Variants in HIRA observed in about 807,000 individuals in gnomAD.
HIRA encodes the protein histone cell cycle regulator, also known as protein HIRA.
A neutral mutation model predicts 126.6 loss-of-function variants in HIRA; 13 were observed. The observed-to-expected ratio is 0.10, with a 90% CI of 0.07 to 0.16. The LOEUF (loss-of-function observed/expected upper bound fraction) is 0.16, where lower values mean the gene tolerates loss of function less well. Among genes scored for constraint, HIRA ranks in the 10% least tolerant of loss-of-function variants. The pLI, the probability that HIRA is intolerant of heterozygous loss-of-function variation, is 1.00. For missense variants in HIRA, 834 were observed against 1,314.4 expected (o/e 0.63, Z 5.65); for synonymous variants, 511 against 520.0 (o/e 0.98, Z 0.24).
chr22:19,340,217 G>A (rs146897216), intron 24 of HIRA, among the ~76,000 whole-genome samples: 9 of 152,030 alleles, frequency 5.9e-5, no homozygotes, highest in African/African-American at 2.2e-4. Context: ...AAGACTTAAC[G>A]TACACATGTC....
At chr22:19,341,380 CAG>C (rs2088626423) in intron 24 of HIRA, among the ~76,000 whole-genome samples, 2 of 146,052 alleles carry the variant, frequency 1.4e-5, no homozygotes, top group South Asian at 2.1e-4. Context: ...GCCTTGGAGG[CAG>C]AGTTTGCCAT....
intron 15 of HIRA, among the ~76,000 whole-genome samples, chr22:19,367,818 C>T (rs1018051800): frequency 1.3e-5 from 2 of 152,072 alleles, no homozygotes; most frequent in African/African-American, 2.4e-5. Context: ...ATTTCTTTTC[C>T]CAAATATTTT....
chr22:19,381,210 C>CTGA (rs1237043931), intron 13 of HIRA, among the ~76,000 whole-genome samples: 19 of 152,120 alleles, frequency 1.2e-4, no homozygotes, highest in African/African-American at 4.3e-4. Context: ...TTGGTGCTAC[C>CTGA]TGACTTCATG....
At chr22:19,419,398 A>C (rs2089425896) in intron 1 of HIRA, among the ~76,000 whole-genome samples, 1 of 151,976 alleles carries the variant, frequency 6.6e-6, no homozygotes, top group African/African-American at 2.4e-5. Context: ...GTGCGCTCCT[A>C]TCTTGGGCCT....
intron 24 of HIRA, among the ~76,000 whole-genome samples, chr22:19,342,094 C>A (rs1271227297): frequency 1.3e-5 from 2 of 152,068 alleles, no homozygotes; most frequent in Non-Finnish European, 2.9e-5. Flanking sequence ...GGAACTCAAA[C>A]AAATCAGCAA....
intron 13 of HIRA, among the ~76,000 whole-genome samples, chr22:19,380,084 G>A (rs2146213454): frequency 6.6e-6 from 1 of 152,218 alleles, no homozygotes; most frequent in East Asian, 1.9e-4. Flanking sequence ...TGGGATTACA[G>A]GTGTGAGCCA....
chr22:19,392,043 C>G, intron 9 of HIRA, 58 bp downstream of exon 9: 2 of 1,000,272 alleles, frequency 2.0e-6, no homozygotes, highest in South Asian at 2.9e-5. Flanking sequence ...CCTCCACTTG[C>G]TACTTTACCA....
chr22:19,406,492 G>A (rs1240957071), intron 4 of HIRA, among the ~76,000 whole-genome samples: 1 of 152,182 alleles, frequency 6.6e-6, no homozygotes, highest in Non-Finnish European at 1.5e-5. Flanking sequence ...CTGGGGCCTG[G>A]TGGAGGCAGT....
intron 3 of HIRA, 89 bp from the exon 4 acceptor site, chr22:19,407,363 A>C (rs2089316561): frequency 9.7e-7 from 1 of 1,026,524 alleles, no homozygotes; most frequent in Non-Finnish European, 1.5e-6. Flanking sequence ...AAGGGTTTAT[A>C]AAATCTAATC....
intron 24 of HIRA, among the ~76,000 whole-genome samples, chr22:19,334,710 C>T (rs1056171344): frequency 1.2e-4 from 18 of 152,090 alleles, no homozygotes; most frequent in African/African-American, 3.1e-4. Context: ...CATGAACCAA[C>T]GCACCCGGCA....
chr22:19,338,627 T>G (rs980711120), intron 24 of HIRA, among the ~76,000 whole-genome samples: 1 of 152,146 alleles, frequency 6.6e-6, no homozygotes, highest in Non-Finnish European at 1.5e-5. Context: ...AAAAAAGATA[T>G]TCCATGCAAA....
chr22:19,397,016 G>A (rs963805074), intron 6 of HIRA, 69 bp from the exon 7 acceptor site: 28 of 1,457,318 alleles, frequency 1.9e-5, no homozygotes, highest in Admixed American at 1.7e-5. Context: ...CATGGGCCAT[G>A]GGATGGATAT....
chr22:19,383,473 G>A (rs2089095765), intron 13 of HIRA, 147 bp downstream of exon 13: 1 of 666,684 alleles, frequency 1.5e-6, no homozygotes, highest in Non-Finnish European at 2.6e-6. Flanking sequence ...GAGACTGCGG[G>A]AAGCTGAGCT....
intron 5 of HIRA, among the ~76,000 whole-genome samples, chr22:19,398,507 C>A (rs2089241602): frequency 6.6e-6 from 1 of 152,204 alleles, no homozygotes; most frequent in Non-Finnish European, 1.5e-5. Context: ...AGTCAGAACT[C>A]CAGGGCTGCT....
chr22:19,355,940 C>A, intron 20 of HIRA, 75 bp from the exon 21 acceptor site: 1 of 1,067,918 alleles, frequency 9.4e-7, no homozygotes, highest in East Asian at 2.5e-5. Flanking sequence ...AAGGAGAAAT[C>A]TGTACTCTAG....
chr22:19,429,190 TGCAGTGGC>T (rs1242541668), intron 1 of HIRA, among the ~76,000 whole-genome samples: 1 of 126,572 alleles, frequency 7.9e-6, no homozygotes, highest in African/African-American at 3.0e-5. Flanking sequence ...CAGGCTGGAG[TGCAGTGGC>T]GCGATCTCGG....
chr22:19,361,308 T>A lies in HIRA; in HGVS notation c.2014A>T (p.Met672Leu). 3.7e-6 allele frequency: 6 copies of A among 1,614,216 alleles called. No individual in the cohort carries two copies. The highest frequency in any genetic ancestry group is 4.2e-6 in the Non-Finnish European group (5 of 1,180,026). Residue 672 changes from methionine (M) to leucine (L), a missense_variant, in exon 17 of 25, where the codon ATG becomes TTG. Transcript: ENST00000263208. ...GCAAGTGCTGGTGCAGACAGACACATGGCCTCCTTCTCTGCGGTTAGGGCA... is the reference window on the plus strand; with the variant it reads ...GCAAGTGCTGGTGCAGACAGACACAAGGCCTCCTTCTCTGCGGTTAGGGCA... ...PAALTAEKEAMCLSAPALALK... is the reference protein window; with the variant it reads ...PAALTAEKEALCLSAPALALK...
chr22:19,355,447 C>T (rs1377020280), intron 21 of HIRA, among the ~76,000 whole-genome samples: 1 of 152,176 alleles, frequency 6.6e-6, no homozygotes, highest in Non-Finnish European at 1.5e-5. Context: ...AGCCCACTAA[C>T]CTATGCTCAT....
chr22:19,385,032 C>T lies in HIRA; in HGVS notation c.1329+489G>A, dbSNP rs547373123. Among the ~76,000 whole-genome samples the T allele has an allele frequency of 6.6e-5, 10 of 152,234 alleles. No homozygotes were observed. The South Asian group carries it at 2.1e-3, about 32-fold the overall frequency. The stretch of plus-strand genomic sequence containing the variant: ...AAGCTTGTAACTAGGGGTTTTCTCT[C>T]ATACTTTATATCTGAATTGCCTGGA... On this transcript the variant is annotated intron_variant, in intron 12 of 24. Coordinates refer to ENST00000263208, the MANE Select transcript of HIRA (RefSeq NM_003325.4).
Sources: allele counts gnomAD v4.1 joint callset (sites outside exome capture counted in the v4.1 genomes callset), GRCh38; gene constraint gnomAD v4.1.1; transcripts MANE v1.5; gene names NCBI Gene and HGNC (gene_info 2026-07-23, HGNC 2026-07-21).